The following DST variants were observed in gnomAD, a reference collection of about 807,000 sequenced individuals.
DST encodes the protein bullous pemphigoid antigen.
In DST, 253 loss-of-function variants were observed where a neutral mutation model predicts 875.2. The observed-to-expected ratio is 0.29, with a 90% confidence interval of 0.26 to 0.32. The LOEUF (loss-of-function observed/expected upper bound fraction) is 0.32, where lower values mean the gene tolerates loss of function less well. Among genes scored for constraint, DST ranks in the 10% least tolerant of loss-of-function variants. The pLI is 1.00. For missense variants in DST, 8,287 were observed against 9,111.6 expected, an observed-to-expected ratio of 0.91 and a Z score of 3.68; for synonymous variants, 3,124 against 3,197.1, an observed-to-expected ratio of 0.98 and a Z score of 0.77.
In DST at chr6:56,634,865, T is replaced by C; in HGVS notation, c.3275A>G (p.Asn1092Ser). 6.2e-7 allele frequency: 1 copy of C among 1,614,028 alleles called. No homozygotes were observed. Among genetic ancestry groups the C allele is most frequent in the Non-Finnish European group, 8.5e-7 (1 of 1,179,980 alleles). The change falls in exon 25 of 104, where the codon AAT becomes AGT. Residue 1092 changes from asparagine (N) to serine (S), a missense_variant. By Grantham distance (46) the Asn-to-Ser change is conservative. Around this residue, in one of 10 missense-constraint regions of DST, gnomAD observed 1,160 missense variants for 1,424.3 expected, o/e 0.81. Transcript: ENST00000680361. ...AKTIIQLKPRNSDCPLKTSIP... is the reference protein window; with the variant it reads ...AKTIIQLKPRSSDCPLKTSIP... ...AGAAGTTTTGAGTGGACAGTCAGAATTCCTTGGCTTCAGTTGAATTATTGT... is the reference window on the plus strand; with the variant it reads ...AGAAGTTTTGAGTGGACAGTCAGAACTCCTTGGCTTCAGTTGAATTATTGT...
At chr6:56,777,523 A>G (rs1337668305) in intron 4 of DST, among the ~76,000 whole-genome samples, 4 of 152,064 alleles carry the variant, frequency 2.6e-5, no homozygotes, top group African/African-American at 9.7e-5. Context: ...AATCACAGAT[A>G]GCTTGCTCAT....
At chr6:56,648,499 A>G in intron 13 of DST, 71 bp downstream of exon 13, 1 of 1,390,240 alleles carries the variant, frequency 7.2e-7, no homozygotes, top group Non-Finnish European at 9.5e-7. Flanking sequence ...CTAAAATTAC[A>G]GAATTATTAT....
intron 5 of DST, among the ~76,000 whole-genome samples, chr6:56,720,719 T>C (rs1231282640): frequency 1.3e-5 from 2 of 152,200 alleles, no homozygotes; most frequent in Non-Finnish European, 2.9e-5. Context: ...TTTTTCTTAG[T>C]ACAGAACAAA....
chr6:56,680,937 C>A (rs904047457), intron 9 of DST, among the ~76,000 whole-genome samples: 6 of 152,192 alleles, frequency 3.9e-5, no homozygotes, highest in Non-Finnish European at 5.9e-5. Flanking sequence ...ATAAAAATTA[C>A]CTTATAATCT....
chr6:56,486,341 T>C (rs3927453), intron 87 of DST, among the ~76,000 whole-genome samples: 44,341 of 129,098 alleles, frequency 0.34, 7,247 homozygotes, highest in Middle Eastern at 0.55. Flanking sequence ...CCAGCCTGGG[T>C]GACAGAGCGA....
At chr6:56,897,306 G>GC (rs980624295) in intron 3 of DST, among the ~76,000 whole-genome samples, 4 of 95,448 alleles carry the variant, frequency 4.2e-5, no homozygotes, top group Admixed American at 1.0e-4. Flanking sequence ...GTTTTTTTTT[G>GC]GGGGGGGGGT....
chr6:56,624,771 C>T (rs2098719080), intron 35 of DST, 143 bp from the exon 36 acceptor site: 2 of 674,818 alleles, frequency 3.0e-6, no homozygotes, highest in Admixed American at 4.6e-5. Context: ...TAAGAATGAG[C>T]TTATTATTAC....
intron 58 of DST, among the ~76,000 whole-genome samples, chr6:56,560,093 T>C (rs1029258693): frequency 6.6e-6 from 1 of 152,070 alleles, no homozygotes; most frequent in Non-Finnish European, 1.5e-5. Context: ...AATTACTGTG[T>C]TTACCATAAA....
chr6:56,576,956 T>G (rs2097877098), intron 50 of DST, among the ~76,000 whole-genome samples: 1 of 152,188 alleles, frequency 6.6e-6, no homozygotes, highest in Non-Finnish European at 1.5e-5. Context: ...CACTGTTTAG[T>G]TTGCACTTCT....
At chr6:56,794,879 C>T (rs538977640) in intron 4 of DST, among the ~76,000 whole-genome samples, 1 of 152,230 alleles carries the variant, frequency 6.6e-6, no homozygotes, top group Admixed American at 6.5e-5. Context: ...GAGAAAAGAT[C>T]CCAAGATTCT....
In DST at chr6:56,463,627, A is replaced by G. The variant is rs748716722; in HGVS notation, c.22897T>C (p.Ser7633Pro). Reference sequence around the variant, plus strand: ...GCCTGCGCAGCCTGACTGGACACAGAAGTGGATCTGTTGGGTGAAGCGCCT... The same window carrying G: ...GCCTGCGCAGCCTGACTGGACACAGGAGTGGATCTGTTGGGTGAAGCGCCT... ...SRGASPNRSTSVSSQAAQAAS... is the reference protein window; with the variant it reads ...SRGASPNRSTPVSSQAAQAAS... The change falls in exon 101 of 104, where the codon TCT becomes CCT. Residue 7633 changes from serine (S) to proline (P), a missense_variant. Ser to Pro is a moderately conservative substitution (Grantham distance 74, BLOSUM62 -1). Coordinates refer to ENST00000680361, the MANE Select transcript of DST (RefSeq NM_001374736.1). The G allele has an allele frequency of 5.0e-6, 8 of 1,613,586 alleles. No individual in the cohort carries two copies. In the Admixed American group the frequency reaches 1.3e-4, roughly 27 times the overall value.
At position 56,555,568 on chromosome 6, in the gene DST, G is replaced by A. The variant is rs757220773; in HGVS notation, c.14913C>T (p.Ser4971=). ...GGTGCGTGCTCACAGCCAGACTGCT[G>A]CTGAGTTTATTATCCAAGTCACTCA... ...DKLSDLDNKL[S]SSLAVSTHPD... Residue 4971 remains serine, a synonymous_variant, in exon 60 of 104, where the codon AGC becomes AGT. Transcript: ENST00000680361. 1.2e-6 allele frequency: 2 copies of A among 1,613,984 alleles called. No homozygotes were observed. The highest frequency in any genetic ancestry group is 1.7e-6 in the Non-Finnish European group (2 of 1,179,892).
chr6:56,550,147 T>C (rs1006848443), intron 61 of DST, among the ~76,000 whole-genome samples: 4 of 152,206 alleles, frequency 2.6e-5, no homozygotes, highest in Admixed American at 2.6e-4. Context: ...TAAATGGAAT[T>C]AGTGGTTGTG....
At chr6:56,851,118 A>C (rs536103759) in intron 4 of DST, 53 of 467,958 alleles carry the variant, frequency 1.1e-4, no homozygotes, top group African/African-American at 8.0e-4. Context: ...AGTAATTAGG[A>C]AAGTTTAGTG....
chr6:56,606,520 C>T lies in DST; in HGVS notation c.8108G>A (p.Gly2703Asp), dbSNP rs374237949. Residue 2703 changes from glycine to aspartate, a missense_variant, in exon 40 of 104, where the codon GGT (glycine) becomes GAT (aspartate). Around this residue, in one of 10 missense-constraint regions of DST, gnomAD observed 3,138 missense variants for 3,116.6 expected, o/e 1.01. Coordinates refer to ENST00000680361, the MANE Select transcript of DST (RefSeq NM_001374736.1). ...MDVEKDELDSGEKIHLNPVGS... is the reference protein window; with the variant it reads ...MDVEKDELDSDEKIHLNPVGS... Reference sequence around the variant, plus strand: ...AACAGGATTTAAATGTATTTTTTCACCAGAATCTAATTCATCTTTCTCAAC... The same window carrying T: ...AACAGGATTTAAATGTATTTTTTCATCAGAATCTAATTCATCTTTCTCAAC... 43 of 1,613,356 alleles carry T rather than the reference C, an allele frequency of 2.7e-5. No individual in the cohort carries two copies. The African/African-American group carries it at 4.9e-4, about 19-fold the overall frequency.
intron 2 of DST, among the ~76,000 whole-genome samples, chr6:56,948,151 T>G (rs1381509654): frequency 6.6e-6 from 1 of 152,232 alleles, no homozygotes; most frequent in Non-Finnish European, 1.5e-5. Flanking sequence ...GAATTTCTTT[T>G]TCCTTCTTCA....
intron 3 of DST, among the ~76,000 whole-genome samples, chr6:56,870,873 T>A (rs146724491): frequency 2.6e-5 from 4 of 151,962 alleles, no homozygotes; most frequent in African/African-American, 9.7e-5. Context: ...ATAAACATAT[T>A]TTATATATTT....
At chr6:56,522,852 T>C (rs1024424198) in intron 69 of DST, among the ~76,000 whole-genome samples, 1 of 152,108 alleles carries the variant, frequency 6.6e-6, no homozygotes, top group African/African-American at 2.4e-5. Context: ...GGATGATGAA[T>C]TGCTCTGAGG....
intron 2 of DST, among the ~76,000 whole-genome samples, chr6:56,940,345 A>G (rs1485086184): frequency 2.0e-5 from 3 of 152,120 alleles, no homozygotes; most frequent in Non-Finnish European, 4.4e-5. Flanking sequence ...TACAAGGTAC[A>G]TAAAATAAAT....
Sources: gnomAD v4.1 joint callset for allele counts (sites outside exome capture counted in the v4.1 genomes callset) on GRCh38, gnomAD v4.1.1 for gene constraint, gnomAD v4.1.1 regional missense constraint, MANE v1.5 for transcripts, NCBI Gene and HGNC (gene_info 2026-07-23, HGNC 2026-07-21) for gene names.